The following GMFB variants were observed in gnomAD, a reference collection of about 807,000 sequenced individuals.
GMFB encodes glia maturation factor beta.
GMFB carries 13 observed loss-of-function variants against 25.6 expected under a neutral mutation model. The ratio of observed to expected loss-of-function variants is 0.51; its 90% confidence interval spans 0.33 to 0.81. The LOEUF (loss-of-function observed/expected upper bound fraction) is 0.81. Ranked by LOEUF, GMFB falls within the 30% of genes least tolerant of loss-of-function variation. The pLI, the probability that GMFB is intolerant of heterozygous loss-of-function variation, is 0.02. For synonymous variants in GMFB, 57 were observed against 56.9 expected, an observed-to-expected ratio of 1.00 and a Z score of 0.00; for missense variants, 146 against 175.4, an observed-to-expected ratio of 0.83 and a Z score of 0.95.
Position 54,477,851 on chromosome 14 carries a change from C to T in GMFB, c.*237G>A. On this transcript the variant is annotated 3_prime_UTR_variant, in exon 7 of 7. Transcript: ENST00000358056. The stretch of plus-strand genomic sequence containing the variant: ...AATTAGTCACAAGAGTGCAAAAAGT[C>T]CCTGGAGAAAAGTAGTCCACCTAAC... The T allele has an allele frequency of 2.8e-6, 1 of 353,944 alleles. No homozygotes were observed. Among genetic ancestry groups the T allele is most frequent in the Non-Finnish European group, 5.2e-6 (1 of 193,376 alleles). 21.9% of individuals were successfully genotyped at this position (353,944 alleles called of 1,614,324 possible).
At chr14:54,485,711 CA>C (rs2031772106) in intron 1 of GMFB, among the ~76,000 whole-genome samples, 1 of 152,144 alleles carries the variant, frequency 6.6e-6, no homozygotes, top group South Asian at 2.1e-4. Context: ...ATAGCCAAAG[CA>C]ACCCTCAGCA....
At chr14:54,488,818 C>T in intron 1 of GMFB, 107 bp downstream of exon 1, 2 of 861,168 alleles carry the variant, frequency 2.3e-6, no homozygotes, top group Non-Finnish European at 3.4e-6. Flanking sequence ...AAGCGGCCGC[C>T]GAGCCCTCCT....
intron 1 of GMFB, 175 bp downstream of exon 1, chr14:54,488,750 T>TGGC: frequency 1.9e-6 from 1 of 529,804 alleles, no homozygotes; most frequent in Non-Finnish European, 3.2e-6. Context: ...TGAGGCGTGG[T>TGGC]GGCGGCGGCA....
In GMFB at chr14:54,478,145, T is replaced by C. The variant is rs781515004; in HGVS notation, c.372A>G (p.Arg124=). The C allele has an allele frequency of 5.8e-6, 8 of 1,376,510 alleles. No individual in the cohort carries two copies. The Admixed American group carries it at 1.1e-4, about 18-fold the overall frequency. 85.3% of individuals were successfully genotyped at this position (1,376,510 alleles called of 1,614,324 possible). The change falls in exon 7 of 7, where the codon AGA becomes AGG. Residue 124 remains arginine (R), a synonymous_variant. Transcript: ENST00000358056. ...ATTCTTCAGTTAGGTCTTCGGTATT[T>C]CTTATTTCAAATACCTTTAAAAAAA... ...TAELTKVFEI[R]NTEDLTEEWL... is the part of the protein sequence containing the mutation.
chr14:54,478,843 A>G (rs1433790825), intron 6 of GMFB: 1 of 152,160 alleles, frequency 6.6e-6, no homozygotes, highest in East Asian at 1.9e-4. Flanking sequence ...TAAGGATTCA[A>G]TGAGATTATC....
chr14:54,480,725 C>A, intron 5 of GMFB, 149 bp downstream of exon 5: 1 of 542,430 alleles, frequency 1.8e-6, no homozygotes. Context: ...TGCATGCACA[C>A]AGGCACATGG....
chr14:54,479,730 C>T, intron 6 of GMFB, 56 bp downstream of exon 6: 1 of 1,022,520 alleles, frequency 9.8e-7, no homozygotes, highest in South Asian at 1.3e-5. Context: ...TTAGCTATTG[C>T]TTTATAGTCT....
In GMFB at chr14:54,477,347, T is replaced by A. The variant is rs757489781; in HGVS notation, c.*741A>T. 3 of 152,442 alleles carry A rather than the reference T, an allele frequency of 2.0e-5. No individual in the cohort carries two copies. Among genetic ancestry groups the A allele is most frequent in the Non-Finnish European group, 4.4e-5 (3 of 67,902 alleles). The allele number at this position is 152,442 out of a possible 1,614,324, so 9.4% of individuals were successfully genotyped here. ...AGTGTTCACAGGACATTGAGGTGCT[T>A]TATAAATAAAGTGTTATTAACCTAG... On this transcript the variant is annotated 3_prime_UTR_variant, in exon 7 of 7. Transcript: ENST00000358056.
intron 5 of GMFB, 64 bp downstream of exon 5, chr14:54,480,805 ATTTGT>A: frequency 1.3e-6 from 1 of 767,650 alleles, no homozygotes; most frequent in Non-Finnish European, 2.3e-6. Context: ...ACAGCAGAAA[ATTTGT>A]CTAGTATAAA....
chr14:54,480,914 T>A lies in GMFB; in HGVS notation c.243A>T (p.Arg81Ser). ...AAATAAAGCACAGAGGATATGAAAC[T>A]CTTCCATCATCATGTTGATATTTAT... Reference protein sequence around the residue: ...YSYKYQHDDGRVSYPLCFIFS... With the variant: ...YSYKYQHDDGSVSYPLCFIFS... The change falls in exon 5 of 7, where the codon AGA (arginine) becomes AGT (serine). Residue 81 changes from arginine (R) to serine (S), a missense_variant. Transcript: ENST00000358056. The A allele has an allele frequency of 6.5e-7, 1 of 1,537,610 alleles. No individual in the cohort carries two copies. The highest frequency in any genetic ancestry group is 8.9e-7 in the Non-Finnish European group (1 of 1,119,444).
chr14:54,488,861 C>G lies in GMFB; in HGVS notation c.3+64G>C, dbSNP rs374062015. The stretch of plus-strand genomic sequence containing the variant: ...GCCCGCCGCCGCCGGCTCCGGAAAC[C>G]GGGAAAACCCGGCTGGCCGGCTCGC... On this transcript the variant is annotated intron_variant, in intron 1 of 6. Coordinates refer to ENST00000358056, the MANE Select transcript of GMFB (RefSeq NM_004124.3). The G allele has an allele frequency of 1.1e-5, 16 of 1,463,932 alleles. 1 individual carries two copies. The South Asian group carries it at 2.0e-4, about 18-fold the overall frequency. The allele number at this position is 1,463,932 out of a possible 1,614,324, so 90.7% of individuals were successfully genotyped here. A position where few individuals can be genotyped will look rare whatever the true frequency, so the allele number is the denominator to read the frequency against.
At chr14:54,478,764 C>CAA (rs1239581020) in intron 6 of GMFB, 1 of 152,156 alleles carries the variant, frequency 6.6e-6, no homozygotes, top group East Asian at 1.9e-4. Flanking sequence ...TACTGTTATG[C>CAA]AACCCTGAGC....
At position 54,475,860 on chromosome 14, in the gene GMFB, G is replaced by A. The variant is rs1468281150; in HGVS notation, c.*2228C>T. The A allele has an allele frequency of 3.3e-5, 5 of 152,084 alleles. No individual in the cohort carries two copies. Among genetic ancestry groups the A allele is most frequent in the Non-Finnish European group, 7.4e-5 (5 of 67,930 alleles). 9.4% of individuals were successfully genotyped at this position (152,084 alleles called of 1,614,324 possible). A position where few individuals can be genotyped will look rare whatever the true frequency, so the allele number is the denominator to read the frequency against. ...GGAATGGTTGTACCAGAAAGATAAC[G>A]GAATGTAAAAACTGGAATTATGAAA... On this transcript the variant is annotated 3_prime_UTR_variant, in exon 7 of 7. Coordinates refer to ENST00000358056, the MANE Select transcript of GMFB (RefSeq NM_004124.3).
At chr14:54,480,627 A>T (rs1162661098) in intron 5 of GMFB, 3 of 339,330 alleles carry the variant, frequency 8.8e-6, no homozygotes, top group Non-Finnish European at 1.6e-5. Context: ...CTTAAAATAC[A>T]TGTATGATTT....
intron 3 of GMFB, 65 bp downstream of exon 3, chr14:54,482,088 T>G (rs2031718764): frequency 3.0e-6 from 3 of 1,009,984 alleles, no homozygotes; most frequent in Non-Finnish European, 4.7e-6. Context: ...ATGTAACTAA[T>G]ATAGCATCTT....
At chr14:54,481,564 T>C (rs1029327606) in intron 3 of GMFB, 106 bp from the exon 4 acceptor site, 10 of 695,048 alleles carry the variant, frequency 1.4e-5, no homozygotes, top group Non-Finnish European at 2.0e-5. Flanking sequence ...TATTACCACA[T>C]GCTACAAAAT....
At chr14:54,480,681 G>T in intron 5 of GMFB, 193 bp downstream of exon 5, 1 of 445,602 alleles carries the variant, frequency 2.2e-6, no homozygotes, top group Non-Finnish European at 4.0e-6. Flanking sequence ...AAGAAAATAA[G>T]TTCTAAGAGA....
Position 54,477,853 on chromosome 14 carries a change from C to T in GMFB, c.*235G>A, listed in dbSNP as rs2031660455. ...TTAGTCACAAGAGTGCAAAAAGTCC[C>T]TGGAGAAAAGTAGTCCACCTAACAA... On this transcript the variant is annotated 3_prime_UTR_variant, in exon 7 of 7. Coordinates refer to ENST00000358056, the MANE Select transcript of GMFB (RefSeq NM_004124.3). 2.8e-6 allele frequency: 1 copy of T among 356,308 alleles called. No individual in the cohort carries two copies. Among genetic ancestry groups the T allele is most frequent in the Admixed American group, 4.8e-5 (1 of 20,938 alleles). The allele number at this position is 356,308 out of a possible 1,614,324, so 22.1% of individuals were successfully genotyped here.
chr14:54,483,844 C>T (rs2031746528), intron 1 of GMFB, 77 bp from the exon 2 acceptor site: 8 of 792,190 alleles, frequency 1.0e-5, no homozygotes, highest in Admixed American at 9.5e-5. Flanking sequence ...AACCTAATAC[C>T]TTTATAATGC....
Sources: allele counts gnomAD v4.1 joint callset (sites outside exome capture counted in the v4.1 genomes callset), GRCh38; gene constraint gnomAD v4.1.1; transcripts MANE v1.5; gene names NCBI Gene and HGNC (gene_info 2026-07-23, HGNC 2026-07-21).